Variants in UBXN7 observed in about 807,000 individuals in gnomAD.
UBXN7 encodes the protein UBX domain protein 7.
A neutral mutation model predicts 58.0 loss-of-function variants in UBXN7; 9 were observed. The observed-to-expected ratio is 0.16, with a 90% CI of 0.09 to 0.27. UBXN7 has a LOEUF of 0.27. Ranked by LOEUF, UBXN7 falls within the 10% of genes least tolerant of loss-of-function variation. UBXN7 has a pLI of 1.00. For missense variants in UBXN7, 328 were observed against 599.6 expected (o/e 0.55, Z 4.73); for synonymous variants, 208 against 205.0 (o/e 1.01, Z -0.12).
chr3:196,370,819 G>A (rs1276895291), intron 6 of UBXN7, among the ~76,000 whole-genome samples: 1 of 142,748 alleles, frequency 7.0e-6, no homozygotes, highest in African/African-American at 2.6e-5. Context: ...CCAGGAGTTC[G>A]AGACGAGCCT....
chr3:196,367,308 A>C (rs1728698869), intron 8 of UBXN7, among the ~76,000 whole-genome samples: 1 of 152,212 alleles, frequency 6.6e-6, no homozygotes, highest in African/African-American at 2.4e-5. Context: ...TCTTATTTGC[A>C]ACCAATCTTG....
chr3:196,378,105 C>T lies in UBXN7; in HGVS notation c.469-6063G>A, dbSNP rs146508839. ...TATGTGTTTGTGTGTGTTTGTTTTA[C>T]GTTATTTGTTTATAGTCTGTTTCTC... On this transcript the variant is annotated intron_variant, in intron 5 of 10. Transcript: ENST00000296328. Among the ~76,000 whole-genome samples the T allele has an allele frequency of 1.6e-4, 24 of 152,214 alleles. No individual in the cohort carries two copies. The East Asian group carries it at 4.4e-3, about 28-fold the overall frequency.
chr3:196,367,273 T>C (rs141880845), intron 8 of UBXN7, among the ~76,000 whole-genome samples: 266 of 152,238 alleles, frequency 1.7e-3, no homozygotes, highest in African/African-American at 6.2e-3. Context: ...CAATGTGAGA[T>C]TGCTGTATCT....
In UBXN7 at chr3:196,432,415, G is replaced by A. The variant is rs1731101365; in HGVS notation, c.-16C>T. ...GGGCAGCCATCTTACCGCCGCCGCC[G>A]CCGCCGAACAACAACACAGACACAC... On this transcript the variant is annotated 5_prime_UTR_variant, in exon 1 of 11. Transcript: ENST00000296328. The A allele has an allele frequency of 1.9e-6, 3 of 1,581,640 alleles. No homozygotes were observed. Among genetic ancestry groups the A allele is most frequent in the African/African-American group, 1.3e-5 (1 of 74,434 alleles).
intron 1 of UBXN7, among the ~76,000 whole-genome samples, chr3:196,421,604 A>C (rs1005178487): frequency 1.3e-5 from 2 of 150,938 alleles, no homozygotes; most frequent in Non-Finnish European, 3.0e-5. Flanking sequence ...ACCCCCCCCC[A>C]GTCTCTAGTA....
At position 196,377,926 on chromosome 3, in the gene UBXN7, C is replaced by T. The variant is rs143617276; in HGVS notation, c.469-5884G>A. Among the ~76,000 whole-genome samples the T allele has an allele frequency of 9.3e-4, 142 of 152,298 alleles. 1 individual carries two copies. Among genetic ancestry groups the T allele is most frequent in the African/African-American group, 3.3e-3 (139 of 41,564 alleles). On this transcript the variant is annotated intron_variant, in intron 5 of 10. Coordinates refer to ENST00000296328, the MANE Select transcript of UBXN7 (RefSeq NM_015562.2). ...GGCTCAAGTGATCTACTCCCTTCAG[C>T]CTCCCACCAAAGTGCTGGGATTACA...
At chr3:196,406,518 C>T (rs527696299) in intron 2 of UBXN7, among the ~76,000 whole-genome samples, 1 of 152,224 alleles carries the variant, frequency 6.6e-6, no homozygotes, top group African/African-American at 2.4e-5. Flanking sequence ...CTGGTCACTG[C>T]AACCTCTGCC....
At chr3:196,358,790 T>C (rs946724274) in intron 10 of UBXN7, among the ~76,000 whole-genome samples, 1 of 151,708 alleles carries the variant, frequency 6.6e-6, no homozygotes, top group Non-Finnish European at 1.5e-5. Flanking sequence ...AGTTTGCAGT[T>C]AGAGATCAGA....
At chr3:196,361,396 A>C (rs376718530) in intron 10 of UBXN7, among the ~76,000 whole-genome samples, 1 of 152,228 alleles carries the variant, frequency 6.6e-6, no homozygotes, top group African/African-American at 2.4e-5. Flanking sequence ...TATTGCATAA[A>C]CTTGGTGGAT....
intron 1 of UBXN7, among the ~76,000 whole-genome samples, chr3:196,422,043 T>C (rs1730705742): frequency 6.7e-6 from 1 of 149,898 alleles, no homozygotes; most frequent in African/African-American, 2.5e-5. Context: ...CTAGTAAAAA[T>C]ACAAAAATTA....
At position 196,424,395 on chromosome 3, in the gene UBXN7, T is replaced by A. The variant is rs1399088754; in HGVS notation, c.73+7932A>T. Among the ~76,000 whole-genome samples the A allele has an allele frequency of 1.1e-4, 16 of 141,178 alleles. 2 individuals are homozygous for A. The Middle Eastern group carries it at 0.038, about 339-fold the overall frequency. The allele number at this position is 141,178 out of a possible 152,430, so 92.6% of individuals were successfully genotyped here. ...TTCTCTTTTCCTAATTTTTTTTTTT[T>A]TTTTTTTTTTTTTTTAAGAGACAAG... On this transcript the variant is annotated intron_variant, in intron 1 of 10. Coordinates refer to ENST00000296328, the MANE Select transcript of UBXN7 (RefSeq NM_015562.2).
chr3:196,365,301 C>G (rs1035096987), intron 8 of UBXN7, among the ~76,000 whole-genome samples: 7 of 146,866 alleles, frequency 4.8e-5, no homozygotes, highest in Non-Finnish European at 1.0e-4. Context: ...TAAAATTAAG[C>G]TCAAAGAAAA....
intron 5 of UBXN7, among the ~76,000 whole-genome samples, chr3:196,380,832 C>A (rs183656426): frequency 1.3e-5 from 2 of 152,248 alleles, no homozygotes; most frequent in African/African-American, 4.8e-5. Context: ...GATTCTCTCT[C>A]GTACCTGGCT....
chr3:196,385,302 T>C (rs1346612589), intron 5 of UBXN7, among the ~76,000 whole-genome samples: 1 of 152,206 alleles, frequency 6.6e-6, no homozygotes, highest in Non-Finnish European at 1.5e-5. Flanking sequence ...GCTCAGTCAG[T>C]GCTCAATGTT....
chr3:196,358,604 G>C (rs1364585684), intron 10 of UBXN7, among the ~76,000 whole-genome samples: 1 of 152,088 alleles, frequency 6.6e-6, no homozygotes, highest in Non-Finnish European at 1.5e-5. Flanking sequence ...AGCTGGGTGT[G>C]GTGGCACACA....
intron 7 of UBXN7, among the ~76,000 whole-genome samples, chr3:196,368,752 C>T (rs527396062): frequency 6.6e-6 from 1 of 152,314 alleles, no homozygotes; most frequent in Admixed American, 6.5e-5. Context: ...CAGCTCCACC[C>T]TCTGCTTCTC....
chr3:196,383,785 G>C (rs1019168274), intron 5 of UBXN7, among the ~76,000 whole-genome samples: 1 of 152,178 alleles, frequency 6.6e-6, no homozygotes, highest in Non-Finnish European at 1.5e-5. Context: ...GAATCTCTGG[G>C]ACACACTTAA....
At chr3:196,381,737 C>A (rs1323342450) in intron 5 of UBXN7, among the ~76,000 whole-genome samples, 3 of 152,104 alleles carry the variant, frequency 2.0e-5, no homozygotes, top group African/African-American at 7.2e-5. Flanking sequence ...AGCTAAACAC[C>A]TTGAAAAAAG....
intron 4 of UBXN7, among the ~76,000 whole-genome samples, 179 bp from the exon 5 acceptor site, chr3:196,392,104 A>C (rs1045255195): frequency 3.3e-5 from 5 of 152,264 alleles, no homozygotes; most frequent in Admixed American, 1.3e-4. Flanking sequence ...GATAAGAGGA[A>C]TCTTAAGACT....
Sources: gnomAD v4.1 joint callset for allele counts (sites outside exome capture counted in the v4.1 genomes callset) on GRCh38, gnomAD v4.1.1 for gene constraint, MANE v1.5 for transcripts, NCBI Gene and HGNC (gene_info 2026-07-23, HGNC 2026-07-21) for gene names.